TUSC3: variants seen among roughly 807,000 people sequenced by gnomAD.
TUSC3 encodes the protein dolichyl-diphosphooligosaccharide--protein glycosyltransferase subunit TUSC3.
TUSC3 carries 45 observed loss-of-function variants against 44.8 expected under a neutral mutation model. The observed-to-expected ratio is 1.00, with a 90% CI of 0.79 to 1.29. The LOEUF is 1.29. TUSC3 is among the 50% of genes most tolerant of loss of function. The pLI is 0.00. For missense variants in TUSC3, 519 were observed against 437.9 expected (o/e 1.19, Z -1.65); for synonymous variants, 212 against 152.9 (o/e 1.39, Z -2.85).
chr8:15,523,925 G>A (rs542376955), intron 2 of TUSC3, among the ~76,000 whole-genome samples: 66 of 150,946 alleles, frequency 4.4e-4, no homozygotes, highest in Middle Eastern at 3.4e-3. Flanking sequence ...GGGTGGTGGC[G>A]CGCACCTGTA....
At chr8:15,690,021 G>T (rs1420961672) in intron 6 of TUSC3, among the ~76,000 whole-genome samples, 2 of 151,964 alleles carry the variant, frequency 1.3e-5, no homozygotes, top group Admixed American at 6.5e-5. Flanking sequence ...TTTTTGGGGT[G>T]TATACACAAT....
rs1477998925 is a variant in TUSC3 at position 15,582,563 on chromosome 8, C to G, written c.139-40517C>G. The stretch of plus-strand genomic sequence containing the variant: ...TCAAAGAGACTAAACATTAAAGGTC[C>G]TATAAATAACATTGTGAAAGTTGAT... On this transcript the variant is annotated intron_variant, in intron 1 of 10. Transcript: ENST00000503731. Among the ~76,000 whole-genome samples, 3 of 152,160 alleles carry G rather than the reference C, an allele frequency of 2.0e-5. 1 individual carries two copies. The South Asian group carries it at 6.2e-4, about 32-fold the overall frequency.
At chr8:15,705,782 CAG>C (rs1809591647) in intron 6 of TUSC3, among the ~76,000 whole-genome samples, 1 of 151,980 alleles carries the variant, frequency 6.6e-6, no homozygotes, top group African/African-American at 2.4e-5. Flanking sequence ...TTCAGTCTGT[CAG>C]AGTTTGTAGG....
intron 3 of TUSC3, among the ~76,000 whole-genome samples, chr8:15,659,000 T>C (rs1436353985): frequency 6.6e-6 from 1 of 152,164 alleles, no homozygotes; most frequent in Non-Finnish European, 1.5e-5. Context: ...TTTCATAGTC[T>C]TCATCATTAC....
intron 1 of TUSC3, among the ~76,000 whole-genome samples, chr8:15,581,627 CTTGGGGG>C (rs1170569453): frequency 1.3e-5 from 2 of 149,848 alleles, no homozygotes; most frequent in Non-Finnish European, 3.0e-5. Context: ...AGTTAGGCTG[CTTGGGGG>C]TCAGGGGTCA....
At chr8:15,823,595 T>A in the TUSC3 span, among the ~76,000 whole-genome samples, 27 of 152,290 alleles carry the variant, frequency 1.8e-4, no homozygotes, top group Admixed American at 1.7e-3. Context: ...AAAATCTGAG[T>A]TTAAATAATT....
At chr8:15,707,851 G>T (rs1425578166) in intron 6 of TUSC3, among the ~76,000 whole-genome samples, 1 of 151,810 alleles carries the variant, frequency 6.6e-6, no homozygotes, top group Non-Finnish European at 1.5e-5. Context: ...AAAGATTAGC[G>T]GGGTTGGTTT....
chr8:15,543,543 C>G (rs1801759473), intron 1 of TUSC3, among the ~76,000 whole-genome samples: 1 of 151,992 alleles, frequency 6.6e-6, no homozygotes, highest in Non-Finnish European at 1.5e-5. Context: ...ACCCATATCT[C>G]AGGTATTATG....
At chr8:15,785,734 C>T in the TUSC3 span, among the ~76,000 whole-genome samples, 2 of 152,160 alleles carry the variant, frequency 1.3e-5, no homozygotes, top group African/African-American at 4.8e-5. Flanking sequence ...GCTCTGCAAT[C>T]TAGAACGCCT....
chr8:15,433,752 C>A (rs538599133), intron 1 of TUSC3, among the ~76,000 whole-genome samples: 1 of 152,098 alleles, frequency 6.6e-6, no homozygotes, highest in Non-Finnish European at 1.5e-5. Context: ...TGTTAATTCA[C>A]GTTGTGTGTT....
intron 1 of TUSC3, among the ~76,000 whole-genome samples, chr8:15,604,949 G>C (rs924740406): frequency 6.6e-6 from 1 of 151,668 alleles, no homozygotes; most frequent in Non-Finnish European, 1.5e-5. Context: ...GAAATATCTG[G>C]GATTGCTTTC....
At chr8:15,735,570 C>T (rs1439097424) in intron 7 of TUSC3, among the ~76,000 whole-genome samples, 6 of 152,140 alleles carry the variant, frequency 3.9e-5, no homozygotes, top group Admixed American at 3.9e-4. Flanking sequence ...TAATATTTTG[C>T]CAATAAATCA....
chr8:15,657,369 G>T (rs978635466), intron 3 of TUSC3, among the ~76,000 whole-genome samples: 1 of 152,034 alleles, frequency 6.6e-6, no homozygotes, highest in Non-Finnish European at 1.5e-5. Context: ...TATCTCTTCT[G>T]CCAGATATCC....
chr8:15,717,371 ATTGT>A (rs762057615), intron 6 of TUSC3, among the ~76,000 whole-genome samples: 22 of 152,062 alleles, frequency 1.4e-4, no homozygotes, highest in South Asian at 4.1e-4. Context: ...TGGGGATAAG[ATTGT>A]TTGAGAGTAA....
At chr8:15,564,725 A>G (rs959058294) in intron 1 of TUSC3, among the ~76,000 whole-genome samples, 1 of 152,128 alleles carries the variant, frequency 6.6e-6, no homozygotes, top group Non-Finnish European at 1.5e-5. Flanking sequence ...GTTCTAGGCG[A>G]TGGAGTGTAA....
rs1410510645 is a variant in TUSC3 at position 15,748,456 on chromosome 8, A to G, written c.1019A>G (p.Tyr340Cys). 2 of 1,609,594 alleles carry G rather than the reference A, an allele frequency of 1.2e-6. No individual in the cohort carries two copies. Among genetic ancestry groups the G allele is most frequent in the African/African-American group, 1.3e-5 (1 of 74,912 alleles). The change falls in exon 9 of 11, where the codon TAT becomes TGT. Residue 340 changes from tyrosine (Y) to cysteine (C), a missense_variant. Transcript: ENST00000503731. ...LSIFRSKYHG[Y>C]PYSDLDFE ...ATATTTCGTTCCAAGTACCACGGCT[A>G]TCCTTATAGGTAATATCTTTATACT...
At chr8:15,420,737 G>C (rs960738756) in intron 1 of TUSC3, among the ~76,000 whole-genome samples, 3 of 152,006 alleles carry the variant, frequency 2.0e-5, no homozygotes, top group Admixed American at 2.0e-4. Context: ...TTCTTGTAAC[G>C]GCACAGTTTC....
intron 1 of TUSC3, among the ~76,000 whole-genome samples, chr8:15,557,879 G>C (rs1278555710): frequency 1.0e-5 from 1 of 99,594 alleles, no homozygotes; most frequent in African/African-American, 3.5e-5. Context: ...TGCTGAAGTT[G>C]CTTATCAGCT....
the TUSC3 span, among the ~76,000 whole-genome samples, chr8:15,809,855 G>A: frequency 6.6e-6 from 1 of 152,070 alleles, no homozygotes; most frequent in African/African-American, 2.4e-5. Flanking sequence ...CTTGCCTTAA[G>A]GAAAACATTC....
Sources: allele counts gnomAD v4.1 joint callset (sites outside exome capture counted in the v4.1 genomes callset), GRCh38; gene constraint gnomAD v4.1.1; transcripts MANE v1.5; gene names NCBI Gene and HGNC (gene_info 2026-07-23, HGNC 2026-07-21).